ROBO1: variants seen among roughly 807,000 people sequenced by gnomAD.
ROBO1 encodes the protein roundabout guidance receptor 1, also known as roundabout homolog 1.
Under a neutral mutation model 195.9 loss-of-function variants are expected in ROBO1, and 149 were observed. The ratio of observed to expected loss-of-function variants is 0.76; its 90% confidence interval spans 0.67 to 0.87. The LOEUF is 0.87. Ranked by LOEUF, ROBO1 falls within the 40% of genes least tolerant of loss-of-function variation. The pLI is 0.00. For synonymous variants in ROBO1, 816 were observed against 733.2 expected (o/e 1.11, Z -1.82); for missense variants, 1,933 against 2,068.3 (o/e 0.93, Z 1.27).
intron 8 of ROBO1, among the ~76,000 whole-genome samples, chr3:78,707,426 A>G (rs952723390): frequency 1.8e-4 from 27 of 152,364 alleles, no homozygotes; most frequent in Middle Eastern, 6.8e-3. Flanking sequence ...TAGGGGAAGC[A>G]TCAGACAAAA....
At chr3:78,797,311 A>G (rs2084213913) in intron 4 of ROBO1, among the ~76,000 whole-genome samples, 1 of 152,210 alleles carries the variant, frequency 6.6e-6, no homozygotes, top group South Asian at 2.1e-4. Flanking sequence ...CAACTATCAG[A>G]TTGCACTTGT....
At chr3:78,807,844 C>G (rs1177615828) in intron 4 of ROBO1, among the ~76,000 whole-genome samples, 1 of 152,288 alleles carries the variant, frequency 6.6e-6, no homozygotes, top group South Asian at 2.1e-4. Flanking sequence ...GCATAGGGAA[C>G]TGAGATGGTG....
chr3:78,746,078 C>A (rs889656975), intron 5 of ROBO1, among the ~76,000 whole-genome samples: 2 of 152,116 alleles, frequency 1.3e-5, no homozygotes, highest in Non-Finnish European at 2.9e-5. Context: ...GACTGAGGTG[C>A]TTTAGCCAAC....
intron 4 of ROBO1, among the ~76,000 whole-genome samples, chr3:78,929,623 C>T (rs1361324922): frequency 6.6e-6 from 1 of 151,988 alleles, no homozygotes; most frequent in Non-Finnish European, 1.5e-5. Flanking sequence ...CCACCTCAGC[C>T]TCCTGTGTAG....
chr3:79,124,391 A>T (rs2080176329), intron 3 of ROBO1, among the ~76,000 whole-genome samples: 3 of 152,196 alleles, frequency 2.0e-5, no homozygotes, highest in South Asian at 2.1e-4. Flanking sequence ...GTAGGCAAGG[A>T]ACAAAACTGG....
chr3:79,440,015 A>T (rs901621345), intron 2 of ROBO1, among the ~76,000 whole-genome samples: 2 of 152,074 alleles, frequency 1.3e-5, no homozygotes, highest in Non-Finnish European at 2.9e-5. Context: ...ACTCTAACAG[A>T]TAGAACAAAA....
intron 2 of ROBO1, among the ~76,000 whole-genome samples, chr3:79,157,243 A>AT (rs1176903562): frequency 1.3e-5 from 2 of 151,760 alleles, no homozygotes; most frequent in Non-Finnish European, 2.9e-5. Context: ...AGCACATATA[A>AT]TTTTTTAGTG....
intron 2 of ROBO1, among the ~76,000 whole-genome samples, chr3:79,456,662 G>A (rs2039628447): frequency 6.6e-6 from 1 of 152,026 alleles, no homozygotes; most frequent in Non-Finnish European, 1.5e-5. Flanking sequence ...TACTCATTTA[G>A]TTTTGCTTCG....
At chr3:79,619,406 C>T (rs955490721) in intron 1 of ROBO1, among the ~76,000 whole-genome samples, 6 of 152,106 alleles carry the variant, frequency 3.9e-5, no homozygotes, top group African/African-American at 9.7e-5. Flanking sequence ...TGACCTAAAA[C>T]GTAAATGTCT....
intron 2 of ROBO1, among the ~76,000 whole-genome samples, chr3:79,166,212 C>G (rs1322755625): frequency 1.3e-5 from 2 of 152,118 alleles, no homozygotes; most frequent in African/African-American, 2.4e-5. Context: ...CATAAAGGCA[C>G]AGAAAATTAC....
intron 10 of ROBO1, among the ~76,000 whole-genome samples, chr3:78,681,433 T>C (rs947129832): frequency 1.3e-5 from 2 of 152,178 alleles, no homozygotes; most frequent in Non-Finnish European, 1.5e-5. Context: ...CCTGCCTTCA[T>C]GGAACTTAAT....
intron 2 of ROBO1, among the ~76,000 whole-genome samples, chr3:79,421,984 C>T (rs1347566574): frequency 6.6e-6 from 1 of 151,384 alleles, no homozygotes; most frequent in Non-Finnish European, 1.5e-5. Flanking sequence ...TTTTTATATC[C>T]ACTCTGCAAC....
intron 5 of ROBO1, among the ~76,000 whole-genome samples, chr3:78,719,767 G>C (rs115654206): frequency 0.015 from 2,266 of 152,184 alleles, 18 homozygotes; most frequent in Middle Eastern, 0.034. Flanking sequence ...ATCAGTGCTA[G>C]GTAATTTAGA....
chr3:79,091,129 T>C (rs2079473199), intron 3 of ROBO1, among the ~76,000 whole-genome samples: 1 of 152,174 alleles, frequency 6.6e-6, no homozygotes, highest in Non-Finnish European at 1.5e-5. Flanking sequence ...CTGTTCATTC[T>C]TCAGTAACAT....
At chr3:79,019,420 G>A (rs905944019) in intron 3 of ROBO1, 8 of 986,054 alleles carry the variant, frequency 8.1e-6, no homozygotes, top group Middle Eastern at 5.2e-4. Flanking sequence ...AGCGGCGTCT[G>A]AAGTTTCTGC....
chr3:79,351,412 T>C (rs1577010328), intron 2 of ROBO1, among the ~76,000 whole-genome samples: 1 of 152,326 alleles, frequency 6.6e-6, no homozygotes, highest in East Asian at 1.9e-4. Context: ...AACTTGCCTA[T>C]ATATAGTTGA....
intron 2 of ROBO1, among the ~76,000 whole-genome samples, chr3:79,313,687 G>A (rs1197842649): frequency 6.6e-6 from 1 of 152,118 alleles, no homozygotes; most frequent in Admixed American, 6.5e-5. Flanking sequence ...CTCTCCCTTA[G>A]CCCTATTTTG....
At chr3:79,370,600 T>G (rs1037618101) in intron 2 of ROBO1, among the ~76,000 whole-genome samples, 3 of 151,780 alleles carry the variant, frequency 2.0e-5, no homozygotes, top group Non-Finnish European at 4.4e-5. Flanking sequence ...CCTTTTCGAC[T>G]TCTTTACTTC....
Position 79,017,442 on chromosome 3 carries a change from C to G in ROBO1, c.173-78515G>C, listed in dbSNP as rs889370354. ...TATGCGAATGTGACTATAAAAATTC[C>G]GAGGTGCAGTGTGTGTGTGTGTGTG... On this transcript the variant is annotated intron_variant, in intron 3 of 30. Transcript: ENST00000464233. Among the ~76,000 whole-genome samples, 42 of 140,672 alleles carry G rather than the reference C, an allele frequency of 3.0e-4. 1 individual carries two copies. The highest frequency in any genetic ancestry group is 2.8e-3 in the East Asian group (13 of 4,616). The allele number at this position is 140,672 out of a possible 152,430, so 92.3% of individuals were successfully genotyped here.
Sources: gnomAD v4.1 joint callset for allele counts (sites outside exome capture counted in the v4.1 genomes callset) on GRCh38, gnomAD v4.1.1 for gene constraint, MANE v1.5 for transcripts, NCBI Gene and HGNC (gene_info 2026-07-23, HGNC 2026-07-21) for gene names.